NAALADL2: variants seen among roughly 807,000 people sequenced by gnomAD.
The protein encoded by NAALADL2 is inactive N-acetylated-alpha-linked acidic dipeptidase-like protein 2.
A neutral mutation model predicts 87.2 loss-of-function variants in NAALADL2; 76 were observed. The ratio of observed to expected loss-of-function variants is 0.87; its 90% CI spans 0.72 to 1.05. The LOEUF is 1.05. NAALADL2 is among the 50% of genes least tolerant of loss of function. The pLI is 0.00. For synonymous variants in NAALADL2, 354 were observed against 331.0 expected (o/e 1.07, Z -0.75); for missense variants, 1,089 against 945.8 (o/e 1.15, Z -1.99).
At chr3:175,623,536 A>G (rs961880691) in intron 10 of NAALADL2, among the ~76,000 whole-genome samples, 2 of 152,126 alleles carry the variant, frequency 1.3e-5, no homozygotes, top group African/African-American at 4.8e-5. Context: ...AGGATATGTG[A>G]AAATAAAATT....
At chr3:174,472,223 G>A (rs569435427) in intron 1 of NAALADL2, among the ~76,000 whole-genome samples, 1 of 152,316 alleles carries the variant, frequency 6.6e-6, no homozygotes, top group South Asian at 2.1e-4. Context: ...TTAGGCTTCA[G>A]TTGGCTCTTA....
At position 174,903,985 on chromosome 3, in the gene NAALADL2, T is replaced by TTCTATA. The variant is rs745581514; in HGVS notation, c.43+44557_43+44562dup. ...TATCTATATCTATATCTATATCTAT[T>TTCTATA]TCTATATCTATATCTATATCTATAT... On this transcript the variant is annotated intron_variant, in intron 1 of 13. Coordinates refer to ENST00000454872, the MANE Select transcript of NAALADL2 (RefSeq NM_207015.3). Among the ~76,000 whole-genome samples, 553 of 128,488 alleles carry TTCTATA rather than the reference T, an allele frequency of 4.3e-3. 1 individual carries two copies. The highest frequency in any genetic ancestry group is 6.1e-3 in the Non-Finnish European group (373 of 61,600). The allele number at this position is 128,488 out of a possible 152,430, so 84.3% of individuals were successfully genotyped here.
chr3:174,521,372 C>T (rs972005301), intron 1 of NAALADL2, among the ~76,000 whole-genome samples: 16 of 151,818 alleles, frequency 1.1e-4, no homozygotes, highest in African/African-American at 3.6e-4. Context: ...TCAAGACCAG[C>T]CTGGCCAACA....
chr3:174,818,127 A>G (rs1207928457), intron 3 of NAALADL2, among the ~76,000 whole-genome samples: 1 of 152,166 alleles, frequency 6.6e-6, no homozygotes, highest in Non-Finnish European at 1.5e-5. Flanking sequence ...TCTGTTATGC[A>G]TCTTTACCCC....
chr3:175,225,548 T>G (rs2109391222), intron 2 of NAALADL2, among the ~76,000 whole-genome samples: 1 of 152,232 alleles, frequency 6.6e-6, no homozygotes, highest in Middle Eastern at 3.4e-3. Context: ...TTTGTTAGTG[T>G]TTAATATGCT....
At chr3:175,070,169 A>G (rs1169995712) in intron 1 of NAALADL2, among the ~76,000 whole-genome samples, 2 of 151,310 alleles carry the variant, frequency 1.3e-5, no homozygotes, top group East Asian at 3.9e-4. Flanking sequence ...TAATAATAAT[A>G]AACTAAAATA....
chr3:175,224,149 G>A (rs985196351), intron 2 of NAALADL2, among the ~76,000 whole-genome samples: 1 of 152,114 alleles, frequency 6.6e-6, no homozygotes, highest in Non-Finnish European at 1.5e-5. Flanking sequence ...AGCCCACTGA[G>A]GCCTACAGAC....
chr3:175,056,251 G>T (rs946619458), intron 1 of NAALADL2, among the ~76,000 whole-genome samples: 44 of 152,068 alleles, frequency 2.9e-4, no homozygotes, highest in African/African-American at 1.0e-3. Flanking sequence ...AAACAAACCT[G>T]CTCTGTAACC....
In NAALADL2 at chr3:175,806,215, G is replaced by T. The variant is rs569354641; in HGVS notation, c.*3012G>T. ...GTACCTGACAAACAAAACTCTCCCC[G>T]AGAATTCAGGCAAAGGACACAAAGA... On this transcript the variant is annotated 3_prime_UTR_variant, in exon 14 of 14. Coordinates refer to ENST00000454872, the MANE Select transcript of NAALADL2 (RefSeq NM_207015.3). 1 of 151,818 alleles carries T rather than the reference G, an allele frequency of 6.6e-6. No homozygotes were observed. The highest frequency in any genetic ancestry group is 1.5e-5 in the Non-Finnish European group (1 of 67,864). 9.4% of individuals were successfully genotyped at this position (151,818 alleles called of 1,614,324 possible).
At chr3:175,188,163 T>C (rs1328191761) in intron 2 of NAALADL2, among the ~76,000 whole-genome samples, 10 of 152,196 alleles carry the variant, frequency 6.6e-5, no homozygotes, top group African/African-American at 2.2e-4. Context: ...GAATGAGTAT[T>C]CTGATATGTA....
intron 12 of NAALADL2, among the ~76,000 whole-genome samples, chr3:175,748,572 G>GATA (rs1237266247): frequency 6.6e-6 from 1 of 152,108 alleles, no homozygotes; most frequent in Non-Finnish European, 1.5e-5. Context: ...TCATCCATAG[G>GATA]ATAATAGGTT....
chr3:175,620,590 A>G (rs982556408), intron 10 of NAALADL2, among the ~76,000 whole-genome samples: 1 of 151,978 alleles, frequency 6.6e-6, no homozygotes, highest in Non-Finnish European at 1.5e-5. Context: ...AAGGAGTAAC[A>G]CTCAGTGGCT....
chr3:174,696,251 T>G (rs1222234916), intron 2 of NAALADL2, among the ~76,000 whole-genome samples: 2 of 152,038 alleles, frequency 1.3e-5, no homozygotes, highest in Non-Finnish European at 2.9e-5. Context: ...CATCTATGAC[T>G]TATTATTTAC....
intron 5 of NAALADL2, among the ~76,000 whole-genome samples, chr3:175,346,392 T>C (rs891722357): frequency 1.6e-4 from 24 of 152,166 alleles, no homozygotes; most frequent in African/African-American, 5.8e-4. Flanking sequence ...ATGGAATATA[T>C]ACATTCCATA....
intron 11 of NAALADL2, among the ~76,000 whole-genome samples, chr3:175,712,380 T>C (rs1740652727): frequency 6.6e-6 from 1 of 152,026 alleles, no homozygotes; most frequent in Non-Finnish European, 1.5e-5. Flanking sequence ...AGTCCTTGTC[T>C]CTTCCTTGCT....
At chr3:175,793,669 TATAAAAC>T (rs1388119475) in intron 13 of NAALADL2, among the ~76,000 whole-genome samples, 1 of 152,170 alleles carries the variant, frequency 6.6e-6, no homozygotes, top group Admixed American at 6.5e-5. Context: ...TGAAAAATTT[TATAAAAC>T]ATAAAATTAA....
intron 9 of NAALADL2, among the ~76,000 whole-genome samples, chr3:175,498,637 C>G (rs775830947): frequency 5.3e-5 from 8 of 151,970 alleles, no homozygotes; most frequent in Non-Finnish European, 1.2e-4. Flanking sequence ...CTCTACATGA[C>G]TATTATGAAC....
At chr3:174,462,696 G>A (rs1021340139) in intron 1 of NAALADL2, among the ~76,000 whole-genome samples, 1 of 152,120 alleles carries the variant, frequency 6.6e-6, no homozygotes, top group African/African-American at 2.4e-5. Flanking sequence ...GCACTTTCTT[G>A]AAGTGAAAGT....
chr3:174,461,040 C>G (rs887408058), intron 1 of NAALADL2, among the ~76,000 whole-genome samples: 1 of 152,040 alleles, frequency 6.6e-6, no homozygotes, highest in Admixed American at 6.6e-5. Context: ...ATATATAGCT[C>G]ATTCCATCAA....
Sources: allele counts gnomAD v4.1 joint callset (sites outside exome capture counted in the v4.1 genomes callset), GRCh38; gene constraint gnomAD v4.1.1; transcripts MANE v1.5; gene names NCBI Gene and HGNC (gene_info 2026-07-23, HGNC 2026-07-21).